The following CEP112 variants were observed in gnomAD, a reference collection of about 807,000 sequenced individuals.
The protein encoded by CEP112 is centrosomal protein of 112 kDa.
Under a neutral mutation model 153.0 loss-of-function variants are expected in CEP112, and 127 were observed. The observed-to-expected ratio is 0.83, with a 90% CI of 0.72 to 0.96. The LOEUF is 0.96. Ranked by LOEUF, CEP112 falls within the 40% of genes least tolerant of loss-of-function variation. The pLI is 0.00. For missense variants in CEP112, 1,089 were observed against 1,101.2 expected (o/e 0.99, Z 0.16); for synonymous variants, 358 against 374.4 (o/e 0.96, Z 0.51).
chr17:65,937,000 T>G (rs1432620968), intron 18 of CEP112, among the ~76,000 whole-genome samples: 2 of 149,866 alleles, frequency 1.3e-5, no homozygotes, highest in Non-Finnish European at 3.0e-5. Flanking sequence ...ATTTTTTTGG[T>G]GGAGATGGGG....
intron 22 of CEP112, among the ~76,000 whole-genome samples, chr17:65,749,898 A>T (rs2051717254): frequency 6.6e-6 from 1 of 152,216 alleles, no homozygotes; most frequent in South Asian, 2.1e-4. Context: ...TGATTTTAAC[A>T]ATCATTAGAT....
chr17:66,114,484 A>G (rs2069194886), intron 6 of CEP112, among the ~76,000 whole-genome samples: 1 of 152,206 alleles, frequency 6.6e-6, no homozygotes, highest in Admixed American at 6.5e-5. Flanking sequence ...TTGTCAAGCA[A>G]TATATTACCA....
chr17:66,003,809 AT>A (rs1383783956), intron 17 of CEP112, among the ~76,000 whole-genome samples: 1 of 152,070 alleles, frequency 6.6e-6, no homozygotes. Flanking sequence ...CCAGCAAGAG[AT>A]TTAGCTTGCA....
At chr17:66,130,600 C>G (rs976532388) in intron 5 of CEP112, among the ~76,000 whole-genome samples, 1 of 151,796 alleles carries the variant, frequency 6.6e-6, no homozygotes, top group African/African-American at 2.4e-5. Context: ...AGGCTGAAAC[C>G]CTGTCTCTAC....
chr17:65,982,305 G>A (rs2063257353), intron 17 of CEP112, among the ~76,000 whole-genome samples: 1 of 152,186 alleles, frequency 6.6e-6, no homozygotes, highest in Admixed American at 6.5e-5. Context: ...CTGATTAGCA[G>A]AGAAAAATGT....
chr17:65,727,293 G>A (rs1054333249), intron 23 of CEP112, among the ~76,000 whole-genome samples: 6 of 152,020 alleles, frequency 3.9e-5, no homozygotes, highest in African/African-American at 1.4e-4. Context: ...GATGTTCTAT[G>A]AATTCTGCTT....
intron 4 of CEP112, among the ~76,000 whole-genome samples, chr17:66,142,577 G>A (rs1173036980): frequency 6.6e-6 from 1 of 152,048 alleles, no homozygotes; most frequent in Non-Finnish European, 1.5e-5. Flanking sequence ...TGGACTTCCG[G>A]TTTTCCTAAC....
At chr17:65,884,377 G>C (rs2059195314) in intron 20 of CEP112, among the ~76,000 whole-genome samples, 1 of 152,204 alleles carries the variant, frequency 6.6e-6, no homozygotes, top group Non-Finnish European at 1.5e-5. Context: ...TAATAAAAAA[G>C]AGGGAACTAA....
intron 20 of CEP112, among the ~76,000 whole-genome samples, chr17:65,880,146 C>T (rs574270323): frequency 6.6e-6 from 1 of 152,148 alleles, no homozygotes; most frequent in Non-Finnish European, 1.5e-5. Context: ...TATAAAAATA[C>T]AGTTGATTTT....
At chr17:65,776,106 C>T (rs2053660167) in intron 21 of CEP112, among the ~76,000 whole-genome samples, 1 of 152,218 alleles carries the variant, frequency 6.6e-6, no homozygotes. Flanking sequence ...TGGACTTCTA[C>T]TTCACAATGT....
At chr17:66,131,430 T>C (rs2070157005) in intron 5 of CEP112, among the ~76,000 whole-genome samples, 1 of 152,224 alleles carries the variant, frequency 6.6e-6, no homozygotes, top group Non-Finnish European at 1.5e-5. Context: ...GTTATGTATA[T>C]AGTGCTATGT....
At chr17:65,802,991 G>C (rs1381784231) in intron 21 of CEP112, among the ~76,000 whole-genome samples, 1 of 152,170 alleles carries the variant, frequency 6.6e-6, no homozygotes, top group Non-Finnish European at 1.5e-5. Context: ...GAAATCTAAG[G>C]CTAAGTCTAA....
intron 20 of CEP112, among the ~76,000 whole-genome samples, chr17:65,864,120 G>A (rs931822653): frequency 5.9e-5 from 8 of 135,328 alleles, no homozygotes; most frequent in Non-Finnish European, 3.2e-5. Flanking sequence ...CAGCCTGGGC[G>A]ACAGAGTGAG....
chr17:65,742,801 A>G (rs2051209741), intron 23 of CEP112, among the ~76,000 whole-genome samples: 1 of 152,252 alleles, frequency 6.6e-6, no homozygotes, highest in African/African-American at 2.4e-5. Flanking sequence ...TCTCAAGAGA[A>G]AGGACAGAGT....
At chr17:66,086,624 T>C (rs1337021847) in intron 8 of CEP112, among the ~76,000 whole-genome samples, 1 of 151,806 alleles carries the variant, frequency 6.6e-6, no homozygotes, top group Non-Finnish European at 1.5e-5. Flanking sequence ...GCCAGGATGG[T>C]CTCAATTTCC....
chr17:65,934,100 A>T (rs1035765786), intron 18 of CEP112, among the ~76,000 whole-genome samples: 1 of 152,212 alleles, frequency 6.6e-6, no homozygotes, highest in Non-Finnish European at 1.5e-5. Flanking sequence ...GAGGCACGAG[A>T]ACTGCTTGAA....
chr17:65,720,013 T>A (rs949394578), intron 23 of CEP112, among the ~76,000 whole-genome samples: 1 of 151,924 alleles, frequency 6.6e-6, no homozygotes, highest in Non-Finnish European at 1.5e-5. Context: ...AAGGGCCTTG[T>A]GAATGCACAG....
At chr17:65,674,216 A>G (rs1254837170) in intron 24 of CEP112, among the ~76,000 whole-genome samples, 1 of 152,248 alleles carries the variant, frequency 6.6e-6, no homozygotes, top group African/African-American at 2.4e-5. Flanking sequence ...AAATCAATAG[A>G]AACAATTAGC....
Position 65,961,463 on chromosome 17 carries a change from C to T in CEP112, c.1872G>A (p.Gln624=), listed in dbSNP as rs1599155295. The T allele has an allele frequency of 6.2e-7, 1 of 1,600,066 alleles. No homozygotes were observed. Residue 624 remains glutamine, a splice_region_variant and synonymous_variant, in exon 18 of 27, where the codon CAG becomes CAA. Coordinates refer to ENST00000535342, the MANE Select transcript of CEP112 (RefSeq NM_001199165.4). ...AGGGATGGTGTGGCAGCCTCCTTAC[C>T]TGCTCTTTCATTTCAGCATAGACTT... is the stretch of plus-strand genomic sequence containing the variant. ...SEKVYAEMKE[Q]MEKVEADLTR... is the part of the protein sequence containing the mutation.
Sources: allele counts gnomAD v4.1 joint callset (sites outside exome capture counted in the v4.1 genomes callset), GRCh38; gene constraint gnomAD v4.1.1; transcripts MANE v1.5; gene names NCBI Gene and HGNC (gene_info 2026-07-23, HGNC 2026-07-21).